Variants in SLAMF1 observed in about 807,000 individuals in gnomAD.
The protein encoded by SLAMF1 is signaling lymphocytic activation molecule family member 1.
Under a neutral mutation model 35.1 loss-of-function variants are expected in SLAMF1, and 18 were observed. That is an observed-to-expected ratio of 0.51 (90% CI 0.35 to 0.76). SLAMF1 has a LOEUF of 0.76. Among genes scored for constraint, SLAMF1 ranks in the 30% least tolerant of loss-of-function variants. SLAMF1 has a pLI of 0.01. For synonymous variants in SLAMF1, 168 were observed against 157.2 expected (o/e 1.07, Z -0.51); for missense variants, 392 against 413.0 (o/e 0.95, Z 0.44).
At chr1:160,613,828 T>C (rs1366355538) in intron 5 of SLAMF1, among the ~76,000 whole-genome samples, 1 of 152,260 alleles carries the variant, frequency 6.6e-6, no homozygotes, top group African/African-American at 2.4e-5. Context: ...GGGGAAAATA[T>C]TTTGATTCAA....
chr1:160,612,425 T>G, intron 6 of SLAMF1, 63 bp downstream of exon 6: 1 of 1,105,000 alleles, frequency 9.0e-7, no homozygotes, highest in Non-Finnish European at 1.3e-6. Context: ...AAAAAAAACT[T>G]CCTCATTTTC....
Position 160,610,693 on chromosome 1 carries a change from G to T in SLAMF1, c.*55C>A. 1 of 1,365,786 alleles carries T rather than the reference G, an allele frequency of 7.3e-7. No individual in the cohort carries two copies. The highest frequency in any genetic ancestry group is 1.0e-6 in the Non-Finnish European group (1 of 953,942). 84.6% of individuals were successfully genotyped at this position (1,365,786 alleles called of 1,614,324 possible). A position where few individuals can be genotyped will look rare whatever the true frequency, so the allele number is the denominator to read the frequency against. On this transcript the variant is annotated 3_prime_UTR_variant, in exon 7 of 7. Transcript: ENST00000302035. ...CTTGGGGCCTGTGGCCAAGTTCAGTGTTCATTTTGGTTTTTCCATTTTCCT... is the reference window on the plus strand; with the variant it reads ...CTTGGGGCCTGTGGCCAAGTTCAGTTTTCATTTTGGTTTTTCCATTTTCCT...
At chr1:160,617,289 G>A (rs1420163148) in intron 5 of SLAMF1, among the ~76,000 whole-genome samples, 3 of 152,094 alleles carry the variant, frequency 2.0e-5, no homozygotes, top group South Asian at 2.1e-4. Context: ...CATACTCTAC[G>A]ATTCAGCAGT....
intron 5 of SLAMF1, among the ~76,000 whole-genome samples, chr1:160,612,934 G>A (rs7550771): frequency 0.02 from 3,074 of 152,136 alleles, 54 homozygotes; most frequent in African/African-American, 0.041. Context: ...AATTTAGTCC[G>A]TCTCACTCAT....
chr1:160,625,504 G>C (rs1659830737), intron 3 of SLAMF1, among the ~76,000 whole-genome samples: 1 of 152,194 alleles, frequency 6.6e-6, no homozygotes, highest in South Asian at 2.1e-4. Flanking sequence ...CAGCCTGATA[G>C]CTGGCAAGAA....
chr1:160,625,822 G>GGAGTGTGTGTGTGTGTGTGTGT (rs1659849929), intron 3 of SLAMF1, among the ~76,000 whole-genome samples: 1 of 120,224 alleles, frequency 8.3e-6, no homozygotes, highest in Non-Finnish European at 1.8e-5. Flanking sequence ...CCTCTGTGCA[G>GGAGTGTGTGTGTGTGTGTGTGT]GAGTGTGTGT....
intron 2 of SLAMF1, 93 bp from the exon 3 acceptor site, chr1:160,634,990 G>T: frequency 9.2e-7 from 1 of 1,092,778 alleles, no homozygotes; most frequent in Non-Finnish European, 1.3e-6. Context: ...CAGCCTAATG[G>T]CATTTTCCCT....
In SLAMF1 at chr1:160,637,524, G is replaced by T. The variant is rs760013516; in HGVS notation, c.82C>A (p.Arg28Ser). 6.2e-7 allele frequency: 1 copy of T among 1,607,408 alleles called. No individual in the cohort carries two copies. The highest frequency in any genetic ancestry group is 8.5e-7 in the Non-Finnish European group (1 of 1,178,774). ...AGAATCTTTGGGCAGTTCATCATGC[G>T]CCCACCTGTGGGAGGGAGGAGAAGA... is the stretch of plus-strand genomic sequence containing the variant. The part of the protein sequence containing the change: ...AFGASYGTGG[R>S]MMNCPKILRQ... The change falls in exon 2 of 7, where the codon CGC (arginine) becomes AGC (serine). Residue 28 changes from arginine (R) to serine (S), a missense_variant. By Grantham distance (110) the Arg-to-Ser change is moderately radical. Coordinates refer to ENST00000302035, the MANE Select transcript of SLAMF1 (RefSeq NM_003037.5).
Position 160,637,415 on chromosome 1 carries a change from A to T in SLAMF1, c.191T>A (p.Val64Asp). 6.2e-7 allele frequency: 1 copy of T among 1,613,944 alleles called. No individual in the cohort carries two copies. Among genetic ancestry groups the T allele is most frequent in the Non-Finnish European group, 8.5e-7 (1 of 1,179,812 alleles). The change falls in exon 2 of 7, where the codon GTC (valine) becomes GAC (aspartate). Residue 64 changes from valine to aspartate, a missense_variant. Physicochemically the swap from Val to Asp is radical, Grantham distance 152. Transcript: ENST00000302035. ...KSMNKSIHIV[V>D]TMAKSLENSV... ...GTTCTCCAGTGATTTTGCCATTGTG[A>T]CGACAATGTGGATGCTTTTGTTCAT...
At chr1:160,631,330 T>G (rs1331360532) in intron 3 of SLAMF1, among the ~76,000 whole-genome samples, 1 of 152,174 alleles carries the variant, frequency 6.6e-6, no homozygotes, top group African/African-American at 2.4e-5. Flanking sequence ...GCTGGCAGGG[T>G]GGGGAGGAGG....
At position 160,637,351 on chromosome 1, in the gene SLAMF1, T is replaced by C. The variant is rs548945213; in HGVS notation, c.255A>G (p.Glu85=). 9.5e-5 allele frequency: 153 copies of C among 1,614,182 alleles called. 1 individual carries two copies. In the South Asian group the frequency reaches 1.7e-3, roughly 17 times the overall value. ...ENKIVSLDPS[E]AGPPRYLGDR... ...CTCCTAGATAACGTGGAGGGCCTGC[T>C]TCGGATGGATCAAGAGACACTATTT... Residue 85 remains glutamate (E), a synonymous_variant, in exon 2 of 7, where the codon GAA becomes GAG. Transcript: ENST00000302035.
intron 1 of SLAMF1, among the ~76,000 whole-genome samples, chr1:160,643,372 A>G (rs1403405068): frequency 6.6e-6 from 1 of 152,178 alleles, no homozygotes; most frequent in Non-Finnish European, 1.5e-5. Flanking sequence ...GCTTAGGAAG[A>G]TAGTGACTCC....
intron 1 of SLAMF1, among the ~76,000 whole-genome samples, chr1:160,644,561 A>G (rs551252682): frequency 6.6e-6 from 1 of 152,324 alleles, no homozygotes; most frequent in East Asian, 1.9e-4. Flanking sequence ...GGTGCTGGGC[A>G]GTGGCTGTTG....
At chr1:160,618,982 C>T (rs1212179238) in intron 5 of SLAMF1, among the ~76,000 whole-genome samples, 1 of 152,204 alleles carries the variant, frequency 6.6e-6, no homozygotes, top group African/African-American at 2.4e-5. Context: ...AAGAGTCCAT[C>T]TCCTGGTTCT....
intron 1 of SLAMF1, among the ~76,000 whole-genome samples, chr1:160,640,922 A>G (rs926140279): frequency 6.6e-6 from 1 of 152,162 alleles, no homozygotes; most frequent in African/African-American, 2.4e-5. Flanking sequence ...TTGTTTTTAC[A>G]TTAATATACT....
At chr1:160,632,576 G>A (rs1660217958) in intron 3 of SLAMF1, among the ~76,000 whole-genome samples, 1 of 152,102 alleles carries the variant, frequency 6.6e-6, no homozygotes, top group African/African-American at 2.4e-5. Flanking sequence ...CAACACTTTG[G>A]TATGCCCTAA....
chr1:160,630,823 C>T (rs1660126291), intron 3 of SLAMF1, among the ~76,000 whole-genome samples: 1 of 152,278 alleles, frequency 6.6e-6, no homozygotes, highest in South Asian at 2.1e-4. Flanking sequence ...CAAGATAATA[C>T]AGAGCAAGAC....
At chr1:160,638,818 A>G (rs1660591899) in intron 1 of SLAMF1, among the ~76,000 whole-genome samples, 1 of 152,158 alleles carries the variant, frequency 6.6e-6, no homozygotes, top group Admixed American at 6.5e-5. Context: ...CGCTGTCATC[A>G]TTTGGCTCAG....
intron 1 of SLAMF1, among the ~76,000 whole-genome samples, chr1:160,646,280 G>T (rs1463465680): frequency 6.6e-6 from 1 of 152,116 alleles, no homozygotes; most frequent in Non-Finnish European, 1.5e-5. Context: ...CTTCCCTCTT[G>T]CTTTCTTGGA....
Sources: allele counts gnomAD v4.1 joint callset (sites outside exome capture counted in the v4.1 genomes callset), GRCh38; gene constraint gnomAD v4.1.1; transcripts MANE v1.5; gene names NCBI Gene and HGNC (gene_info 2026-07-23, HGNC 2026-07-21).